Variants in RPGR observed in about 807,000 individuals in gnomAD.
RPGR encodes X-linked retinitis pigmentosa GTPase regulator.
In RPGR, 10 loss-of-function variants were observed where a neutral mutation model predicts 56.3. That is an observed-to-expected ratio of 0.18 (90% CI 0.11 to 0.30). The LOEUF is 0.30. Ranked by LOEUF, RPGR falls within the 10% of genes least tolerant of loss-of-function variation. RPGR has a pLI of 1.00. For synonymous variants in RPGR, 197 were observed against 212.9 expected (o/e 0.93, Z 0.65); for missense variants, 538 against 590.9 (o/e 0.91, Z 0.93).
intron 7 of RPGR, among the ~76,000 whole-genome samples, chrX:38,310,060 G>A (rs5963396): frequency 1.8e-5 from 2 of 108,949 alleles, no homozygotes; most frequent in African/African-American, 3.4e-5. Context: ...CTCACCTCAA[G>A]CTCAACCTCC....
At position 38,295,946 on chromosome X, in the gene RPGR, T is replaced by C. The variant is rs185330781; in HGVS notation, c.1414+1338A>G. The C allele has an allele frequency of 9.8e-5, 11 of 112,401 alleles. No homozygotes were observed. In the East Asian group the frequency reaches 3.0e-3, roughly 31 times the overall value. 9.3% of individuals were successfully genotyped at this position (112,401 alleles called of 1,213,427 possible). The stretch of plus-strand genomic sequence containing the variant: ...TGTTGGCTATTACAAATAAAACTGC[T>C]ATGAACCTTCAAAAAAAGAAATATG... On this transcript the variant is annotated intron_variant, in intron 11 of 18. Coordinates refer to ENST00000642395, the MANE Select transcript of RPGR (RefSeq NM_000328.3).
chrX:38,303,295 A>G (rs1222919303), intron 8 of RPGR, among the ~76,000 whole-genome samples: 1 of 109,306 alleles, frequency 9.1e-6, no homozygotes, highest in Non-Finnish European at 1.9e-5. Flanking sequence ...AACCCACTAC[A>G]TACTTCTCAT....
chrX:38,295,634 CAT>C (rs2067364235), intron 11 of RPGR, among the ~76,000 whole-genome samples: 1 of 111,947 alleles, frequency 8.9e-6, no homozygotes, highest in Non-Finnish European at 1.9e-5. Flanking sequence ...CAAAAGAAAA[CAT>C]ACAAAAGTTG....
At chrX:38,285,898 C>A in intron 15 of RPGR, 1 of 1,182,074 alleles carries the variant, frequency 8.5e-7, no homozygotes, top group East Asian at 3.1e-5. Flanking sequence ...CTCTTCCTCT[C>A]CTTCCCCCTC....
At chrX:38,321,586 G>A (rs1224526492) in intron 3 of RPGR, among the ~76,000 whole-genome samples, 3 of 109,747 alleles carry the variant, frequency 2.7e-5, no homozygotes, top group Non-Finnish European at 5.7e-5. Context: ...CTGGAGCCCA[G>A]GAGGTCGAGG....
chrX:38,325,858 T>C (rs899755429), intron 1 of RPGR: 3 of 112,219 alleles, frequency 2.7e-5, no homozygotes, highest in Non-Finnish European at 3.8e-5. Flanking sequence ...CCAATAACCA[T>C]TTAAACACAC....
chrX:38,286,584 C>T, intron 15 of RPGR: 1 of 1,072,105 alleles, frequency 9.3e-7, no homozygotes. Flanking sequence ...CTTTTTCCTC[C>T]CCTCTCCCCT....
intron 10 of RPGR, among the ~76,000 whole-genome samples, chrX:38,298,640 G>A (rs192169192): frequency 1.8e-3 from 204 of 111,508 alleles, no homozygotes; most frequent in Admixed American, 3.0e-3. Context: ...TCCACATGCA[G>A]TTGAAAAAAC....
chrX:38,276,529 C>T lies in RPGR; in HGVS notation c.2091+58G>A, dbSNP rs1215570997. The stretch of plus-strand genomic sequence containing the variant: ...AACTGGAATCTGTCCTCTGCAGAAA[C>T]TAGAGAACCCATATGTTTTCTCCCA... On this transcript the variant is annotated intron_variant, in intron 16 of 18. Coordinates refer to ENST00000642395, the MANE Select transcript of RPGR (RefSeq NM_000328.3). 4.4e-6 allele frequency: 5 copies of T among 1,124,124 alleles called. No individual in the cohort carries two copies. The African/African-American group carries it at 9.0e-5, about 20-fold the overall frequency. The allele number at this position is 1,124,124 out of a possible 1,213,427, so 92.6% of individuals were successfully genotyped here.
chrX:38,284,300 G>T, intron 15 of RPGR, 108 bp downstream of exon 15: 1 of 231,770 alleles, frequency 4.3e-6, no homozygotes, highest in Non-Finnish European at 6.2e-6. Context: ...TATGTACACG[G>T]AAAATTTTAA....
chrX:38,313,468 T>C (rs1438546916), intron 6 of RPGR, among the ~76,000 whole-genome samples: 1 of 112,140 alleles, frequency 8.9e-6, no homozygotes, highest in Admixed American at 9.5e-5. Flanking sequence ...GTGATAGGGT[T>C]GTTTCATAGG....
At chrX:38,307,318 A>G (rs889991178) in intron 7 of RPGR, among the ~76,000 whole-genome samples, 2 of 112,080 alleles carry the variant, frequency 1.8e-5, no homozygotes, top group Admixed American at 9.5e-5. Context: ...CCAAGGAGAA[A>G]CTATAATCAC....
chrX:38,321,834 C>T (rs928668137), intron 3 of RPGR, among the ~76,000 whole-genome samples: 1 of 111,402 alleles, frequency 9.0e-6, no homozygotes, highest in African/African-American at 3.3e-5. Flanking sequence ...TAGGCATACA[C>T]CTATCAGTCA....
intron 7 of RPGR, among the ~76,000 whole-genome samples, chrX:38,306,137 T>TAGTACTC (rs1193794667): frequency 8.9e-6 from 1 of 112,097 alleles, no homozygotes; most frequent in Non-Finnish European, 1.9e-5. Context: ...CACTTCTCCT[T>TAGTACTC]AGTACACTGA....
intron 15 of RPGR, among the ~76,000 whole-genome samples, chrX:38,282,666 T>C (rs1285117283): frequency 8.9e-6 from 1 of 111,890 alleles, no homozygotes; most frequent in Non-Finnish European, 1.9e-5. Flanking sequence ...AAGCTTGGCC[T>C]TTCCTTCTTC....
chrX:38,288,929 A>C (rs1374631860), intron 13 of RPGR, among the ~76,000 whole-genome samples: 1 of 109,560 alleles, frequency 9.1e-6, no homozygotes, highest in African/African-American at 3.3e-5. Context: ...CTATGGGTGC[A>C]TGCCACCACA....
chrX:38,321,659 CA>C (rs35504232), intron 3 of RPGR, among the ~76,000 whole-genome samples: 105 of 92,525 alleles, frequency 1.1e-3, no homozygotes, highest in South Asian at 2.1e-3. Context: ...GACCCTGTCT[CA>C]AAAAAAAAAA....
chrX:38,323,420 C>T lies in RPGR; in HGVS notation c.133G>A (p.Glu45Lys). The change falls in exon 2 of 19, where the codon GAA becomes AAA. Residue 45 changes from glutamate to lysine, a missense_variant. This residue lies in a region of RPGR where 181 missense variants were observed against 265.1 expected (regional missense o/e 0.68). Transcript: ENST00000642395. ...TAACCGGTAACAACAGCAGAATGTT[C>T]ATCTCCACATGAAAGATGTACAGGG... The T allele has an allele frequency of 8.3e-7, 1 of 1,206,245 alleles. No individual in the cohort carries two copies. Among genetic ancestry groups the T allele is most frequent in the South Asian group, 1.8e-5 (1 of 56,613 alleles).
At chrX:38,296,600 T>G (rs2067390398) in intron 11 of RPGR, among the ~76,000 whole-genome samples, 2 of 111,738 alleles carry the variant, frequency 1.8e-5, no homozygotes, top group African/African-American at 6.5e-5. Flanking sequence ...CAACATTTAC[T>G]GAGGTGTTTC....
Sources: allele counts gnomAD v4.1 joint callset (sites outside exome capture counted in the v4.1 genomes callset), GRCh38; gene constraint gnomAD v4.1.1; regional missense constraint gnomAD v4.1.1; transcripts MANE v1.5; gene names NCBI Gene and HGNC (gene_info 2026-07-23, HGNC 2026-07-21).